The following TRPM1 variants were observed in gnomAD, a reference collection of about 807,000 sequenced individuals.
TRPM1 encodes TRPM1-203 APA Isoform, Intron 10.
TRPM1 carries 113 observed loss-of-function variants against 149.4 expected under a neutral mutation model. The ratio of observed to expected loss-of-function variants is 0.76; its 90% confidence interval spans 0.65 to 0.88. The LOEUF (loss-of-function observed/expected upper bound fraction) is 0.88. Ranked by LOEUF, TRPM1 falls within the 40% of genes least tolerant of loss-of-function variation. The probability of loss-of-function intolerance (pLI) is 0.00; values close to 1 mark genes in which losing one functional copy is unlikely to be tolerated. For synonymous variants in TRPM1, 741 were observed against 759.5 expected (o/e 0.98, Z 0.40); for missense variants, 1,976 against 2,038.7 (o/e 0.97, Z 0.59).
At chr15:31,090,323 C>T (rs913656808) in intron 1 of TRPM1, among the ~76,000 whole-genome samples, 2 of 152,090 alleles carry the variant, frequency 1.3e-5, no homozygotes, top group Non-Finnish European at 2.9e-5. Context: ...GAAATGATTC[C>T]ATGTGGTATT....
At chr15:31,047,012 G>T in intron 15 of TRPM1, 99 bp downstream of exon 15, 1 of 1,528,118 alleles carries the variant, frequency 6.5e-7, no homozygotes, top group Non-Finnish European at 9.1e-7. Flanking sequence ...GGGACAGGGC[G>T]AAGGGCTTGG....
At chr15:31,108,150 G>A (rs1186258577) in intron 1 of TRPM1, among the ~76,000 whole-genome samples, 7 of 106,468 alleles carry the variant, frequency 6.6e-5, no homozygotes, top group African/African-American at 1.8e-4. Context: ...GAGCCACCAC[G>A]CCTGTCCAAT....
At chr15:31,016,386 C>G (rs1248424530) in intron 27 of TRPM1, among the ~76,000 whole-genome samples, 2 of 152,162 alleles carry the variant, frequency 1.3e-5, no homozygotes, top group African/African-American at 4.8e-5. Context: ...GATTTCTGAT[C>G]AGGTTGATTA....
intron 10 of TRPM1, 77 bp downstream of exon 10, chr15:31,061,365 A>C: frequency 6.9e-7 from 1 of 1,440,170 alleles, no homozygotes; most frequent in Non-Finnish European, 9.8e-7. Context: ...GACATAGTCC[A>C]TGGGAGGCCG....
intron 1 of TRPM1, among the ~76,000 whole-genome samples, chr15:31,140,829 G>A (rs1304514600): frequency 6.6e-6 from 1 of 151,944 alleles, no homozygotes; most frequent in East Asian, 1.9e-4. Flanking sequence ...TTGTTTGTTT[G>A]TTTGTTTTTT....
At position 31,012,737 on chromosome 15, in the gene TRPM1, T is replaced by A. The variant is rs1048340326; in HGVS notation, c.3630-9667A>T. 3.9e-5 allele frequency among the ~76,000 whole-genome samples: 6 copies of A among 152,260 alleles called. No individual in the cohort carries two copies. The East Asian group carries it at 9.7e-4, about 25-fold the overall frequency. On this transcript the variant is annotated intron_variant, in intron 27 of 27. Transcript: ENST00000256552. ...CCCTTCTCTCTTTCTATAACTCTCA[T>A]GATGCCTATGTTGTTCTGCTGGATG...
chr15:31,030,839 T>A, intron 23 of TRPM1, 144 bp downstream of exon 23: 1 of 915,686 alleles, frequency 1.1e-6, no homozygotes, highest in East Asian at 2.6e-5. Flanking sequence ...TTTGTTCTTA[T>A]TTCTTTGTAA....
intron 1 of TRPM1, among the ~76,000 whole-genome samples, chr15:31,156,195 CAAAAA>C (rs35981768): frequency 2.7e-4 from 10 of 36,656 alleles, no homozygotes; most frequent in East Asian, 8.0e-4. Context: ...AGACCTCTGT[CAAAAA>C]AAAAAAAAAA....
intron 4 of TRPM1, chr15:31,069,575 C>T: frequency 8.2e-7 from 1 of 1,225,240 alleles, no homozygotes; most frequent in Non-Finnish European, 1.0e-6. Context: ...TCCCTGTTTA[C>T]ATGCAAATGT....
rs560324812 is a variant in TRPM1 at position 31,026,401 on chromosome 15, C to A, written c.3497-130G>T. 84 of 1,124,938 alleles carry A rather than the reference C, an allele frequency of 7.5e-5. No homozygotes were observed. The African/African-American group carries it at 9.5e-4, about 13-fold the overall frequency. The allele number at this position is 1,124,938 out of a possible 1,614,324, so 69.7% of individuals were successfully genotyped here. A position where few individuals can be genotyped will look rare whatever the true frequency, so the allele number is the denominator to read the frequency against. On this transcript the variant is annotated intron_variant, in intron 26 of 27. Coordinates refer to ENST00000256552, the MANE Select transcript of TRPM1 (RefSeq NM_001252024.2). ...CCACTCCTAAGGCAGTTCGCCACTA[C>A]TCCAATTGATTTTTATCTAAAAAGG...
intron 1 of TRPM1, among the ~76,000 whole-genome samples, chr15:31,116,584 G>A (rs1023054398): frequency 2.8e-5 from 4 of 143,964 alleles, no homozygotes; most frequent in African/African-American, 5.1e-5. Context: ...CCTGGCCAAC[G>A]AGAGCAAAAC....
Position 31,040,651 on chromosome 15 carries a change from C to T in TRPM1, c.2088-305G>A, listed in dbSNP as rs759377421. 1.1e-4 allele frequency among the ~76,000 whole-genome samples: 17 copies of T among 152,156 alleles called. No individual in the cohort carries two copies. The highest frequency in any genetic ancestry group is 5.9e-5 in the Non-Finnish European group (4 of 68,030). ...AGAGACGAGAAGACAAAGTCCCTTC[C>T]CTCAAGTTGTGCACAGATCAGGGAG... On this transcript the variant is annotated intron_variant, in intron 17 of 27. Coordinates refer to ENST00000256552, the MANE Select transcript of TRPM1 (RefSeq NM_001252024.2). The surrounding 1 kb of genome is among the most constrained non-coding windows in gnomAD (Gnocchi z 4.2).
upstream of TRPM1, among the ~76,000 whole-genome samples, chr15:31,104,344 G>C (rs1359133188): frequency 6.6e-6 from 1 of 152,096 alleles, no homozygotes; most frequent in Non-Finnish European, 1.5e-5. Context: ...GAGGCCCAAG[G>C]GTCCTGGTTG....
intron 27 of TRPM1, among the ~76,000 whole-genome samples, chr15:31,005,803 T>C (rs1321747707): frequency 1.3e-5 from 2 of 152,230 alleles, no homozygotes; most frequent in Non-Finnish European, 2.9e-5. Context: ...TTGTTAACCA[T>C]GGTTGGTGAC....
chr15:31,005,032 G>C (rs1265266722), intron 27 of TRPM1, among the ~76,000 whole-genome samples: 4 of 151,970 alleles, frequency 2.6e-5, no homozygotes, highest in Non-Finnish European at 5.9e-5. Flanking sequence ...CACCCAGGAG[G>C]CGGAGGTTGC....
intron 27 of TRPM1, among the ~76,000 whole-genome samples, 178 bp downstream of exon 27, chr15:31,025,961 G>A (rs73368469): frequency 0.013 from 2,039 of 152,366 alleles, 48 homozygotes; most frequent in African/African-American, 0.047. Flanking sequence ...CCAATGCACA[G>A]TTATTACCTA....
At position 31,037,809 on chromosome 15, in the gene TRPM1, C is replaced by G. The variant is rs771110434; in HGVS notation, c.2473G>C (p.Asp825His). Residue 825 changes from aspartate to histidine, a missense_variant, in exon 20 of 28, where the codon GAT (aspartate) becomes CAT (histidine). By Grantham distance (81) the Asp-to-His change is moderately conservative. Coordinates refer to ENST00000256552, the MANE Select transcript of TRPM1 (RefSeq NM_001252024.2). ...TGTTTTTTGTGCTCGTTCTCCTCAT[C>G]CCCCTTTCTTGAGCCAGCATCTGCA... ...ANADAGSRKG[D>H]EENEHKKQRS... 66 of 1,614,206 alleles carry G rather than the reference C, an allele frequency of 4.1e-5. No individual in the cohort carries two copies. The East Asian group carries it at 1.3e-3, about 32-fold the overall frequency.
intron 20 of TRPM1, 61 bp downstream of exon 20, chr15:31,037,650 T>C: frequency 1.2e-6 from 2 of 1,612,404 alleles, no homozygotes; most frequent in South Asian, 2.2e-5. Flanking sequence ...TTTTTCTTGA[T>C]TCCAACATAT....
chr15:31,005,123 A>ATAAATAAT (rs1566984038), intron 27 of TRPM1, among the ~76,000 whole-genome samples: 1 of 151,314 alleles, frequency 6.6e-6, no homozygotes, highest in Non-Finnish European at 1.5e-5. Flanking sequence ...AAATAAATAA[A>ATAAATAAT]TAAATAAATA....
Sources: gnomAD v4.1 joint callset for allele counts (sites outside exome capture counted in the v4.1 genomes callset) on GRCh38, gnomAD v4.1.1 for gene constraint, Gnocchi (gnomAD v3.1) non-coding constraint, MANE v1.5 for transcripts, NCBI Gene and HGNC (gene_info 2026-07-23, HGNC 2026-07-21) for gene names.